QRICH2: variants seen among roughly 807,000 people sequenced by gnomAD.
QRICH2 encodes glutamine rich 2, also known as glutamine-rich protein 2.
QRICH2 carries 119 observed loss-of-function variants against 168.3 expected under a neutral mutation model. The observed-to-expected ratio is 0.71, with a 90% CI of 0.61 to 0.82. The LOEUF (loss-of-function observed/expected upper bound fraction) is 0.82. Among genes scored for constraint, QRICH2 ranks in the 40% least tolerant of loss-of-function variants. QRICH2 has a pLI of 0.00. For missense variants in QRICH2, 2,241 were observed against 2,491.6 expected (o/e 0.90, Z 2.14); for synonymous variants, 894 against 951.2 (o/e 0.94, Z 1.11).
intron 3 of QRICH2, 103 bp downstream of exon 3, chr17:76,304,312 C>T (rs1361763401): frequency 3.2e-5 from 22 of 694,236 alleles, no homozygotes; most frequent in South Asian, 8.4e-5. Context: ...ATGAAACTTG[C>T]GAACTATGAA....
chr17:76,274,983 C>T (rs369562982), intron 18 of QRICH2, among the ~76,000 whole-genome samples: 13 of 152,134 alleles, frequency 8.5e-5, no homozygotes, highest in Non-Finnish European at 5.9e-5. Flanking sequence ...CCATGAGCAC[C>T]GCAGCCACTT....
chr17:76,296,832 C>G, intron 3 of QRICH2, among the ~76,000 whole-genome samples: 1 of 151,576 alleles, frequency 6.6e-6, no homozygotes, highest in East Asian at 1.9e-4. Context: ...AGAAAGCCCA[C>G]TCCCACTCCA....
At position 76,304,488 on chromosome 17, in the gene QRICH2, G is replaced by A. The variant is rs1333255477; in HGVS notation, c.632C>T (p.Ala211Val). The A allele has an allele frequency of 3.1e-6, 5 of 1,613,728 alleles. No individual in the cohort carries two copies. The African/African-American group carries it at 5.3e-5, about 17-fold the overall frequency. ...VSRKLSLVPGAEEVTMVTWEE... is the reference protein window; with the variant it reads ...VSRKLSLVPGVEEVTMVTWEE... ...CCAGGTGACCATGGTGACTTCTTCT[G>A]CACCAGGAACCAAACTCAGCTTCCG... Residue 211 changes from alanine to valine, a missense_variant, in exon 3 of 19, where the codon GCA (alanine) becomes GTA (valine). Ala to Val is a moderately conservative substitution (Grantham distance 64). Coordinates refer to ENST00000680821, the MANE Select transcript of QRICH2 (RefSeq NM_001388453.1).
At chr17:76,287,665 G>T in intron 6 of QRICH2, 135 bp downstream of exon 6, 1 of 703,736 alleles carries the variant, frequency 1.4e-6, no homozygotes, top group South Asian at 1.6e-5. Context: ...CATGGACAAT[G>T]TGAAGAGCAG....
intron 17 of QRICH2, 29 bp downstream of exon 17, chr17:76,276,651 G>A (rs1444783611): frequency 1.3e-6 from 2 of 1,582,636 alleles, no homozygotes; most frequent in Non-Finnish European, 1.7e-6. Flanking sequence ...CCCACGTGAG[G>A]TGCCTGGGGG....
At chr17:76,287,373 T>C in intron 6 of QRICH2, 67 bp from the exon 7 acceptor site, 1 of 1,147,570 alleles carries the variant, frequency 8.7e-7, no homozygotes, top group East Asian at 2.4e-5. Flanking sequence ...GCCTGGGCCA[T>C]CAGGGACGCA....
intron 15 of QRICH2, 137 bp from the exon 16 acceptor site, chr17:76,277,447 G>C: frequency 9.6e-7 from 1 of 1,046,194 alleles, no homozygotes; most frequent in South Asian, 1.5e-5. Flanking sequence ...AGCAGCAGGG[G>C]CCCAGAACAG....
chr17:76,277,366 G>A, intron 15 of QRICH2, 56 bp from the exon 16 acceptor site: 2 of 1,580,392 alleles, frequency 1.3e-6, no homozygotes, highest in Non-Finnish European at 1.7e-6. Flanking sequence ...ATGTCACCTG[G>A]GACTCACCCA....
rs1045787435 is a variant in QRICH2, at chr17:76,278,941, C to T, written c.4916+100G>A. The T allele has an allele frequency of 3.2e-5, 31 of 957,514 alleles. No individual in the cohort carries two copies. The African/African-American group carries it at 3.4e-4, about 11-fold the overall frequency. 59.3% of individuals were successfully genotyped at this position (957,514 alleles called of 1,614,324 possible). On this transcript the variant is annotated intron_variant, in intron 14 of 18. Transcript: ENST00000680821. Reference sequence around the variant, plus strand: ...TGTCCCACAGCACTGCCTTCTGTCACGTTCCGCTGGGCCCTCCGGAGTCAT... The same window carrying T: ...TGTCCCACAGCACTGCCTTCTGTCATGTTCCGCTGGGCCCTCCGGAGTCAT...
upstream of QRICH2, chr17:76,308,456 C>T: frequency 1.0e-6 from 1 of 985,394 alleles, no homozygotes; most frequent in Non-Finnish European, 1.2e-6. Context: ...CCTAGAAAGG[C>T]CAGGATTCAC....
At chr17:76,286,051 T>C (rs2070878863) in intron 7 of QRICH2, among the ~76,000 whole-genome samples, 1 of 152,000 alleles carries the variant, frequency 6.6e-6, no homozygotes, top group South Asian at 2.1e-4. Context: ...GGCAGGTGCC[T>C]GTAGTCCCAG....
At chr17:76,285,177 A>G (rs1332709793) in intron 7 of QRICH2, among the ~76,000 whole-genome samples, 1 of 142,952 alleles carries the variant, frequency 7.0e-6, no homozygotes, top group Non-Finnish European at 1.5e-5. Context: ...TTTTCACCCA[A>G]CCTGGAGTGC....
rs550435872 is a variant in QRICH2, at chr17:76,280,782, G to A, written c.4386+49C>T. ...AAGAGCCAGCAGCTGCGGGGCTAGG[G>A]CACCACATTGAGCCCCGGCCCCATC... On this transcript the variant is annotated intron_variant, in intron 9 of 18. Transcript: ENST00000680821. The surrounding 1 kb of genome is among the most constrained non-coding windows in gnomAD (Gnocchi z 7.4). 1 of 1,613,962 alleles carries A rather than the reference G, an allele frequency of 6.2e-7. No individual in the cohort carries two copies. The highest frequency in any genetic ancestry group is 2.2e-5 in the East Asian group (1 of 44,884).
In QRICH2 at chr17:76,302,780, G is replaced by A. The variant is rs147348558; in HGVS notation, c.705+1635C>T. 4.6e-3 allele frequency among the ~76,000 whole-genome samples: 704 copies of A among 152,142 alleles called. 8 individuals carry two copies. The highest frequency in any genetic ancestry group is 0.017 in the African/African-American group (685 of 41,498). ...TGTGTGGTTTTAAGCCACACAGATCGGTCTCTGGTCATTTGTTGGAACAGC... is the reference window on the plus strand; with the variant it reads ...TGTGTGGTTTTAAGCCACACAGATCAGTCTCTGGTCATTTGTTGGAACAGC... On this transcript the variant is annotated intron_variant, in intron 3 of 18. Coordinates refer to ENST00000680821, the MANE Select transcript of QRICH2 (RefSeq NM_001388453.1).
At position 76,280,202 on chromosome 17, in the gene QRICH2, G is replaced by A; in HGVS notation, c.4627-48C>T. 6.2e-7 allele frequency: 1 copy of A among 1,607,930 alleles called. No individual in the cohort carries two copies. The highest frequency in any genetic ancestry group is 8.5e-7 in the Non-Finnish European group (1 of 1,176,136). On this transcript the variant is annotated intron_variant, in intron 11 of 18. Transcript: ENST00000680821. This position sits in a 1 kb window ranked among gnomAD's most constrained non-coding sequence, Gnocchi z 7.4. ...AGGGGACCTCTAAGGAAGCAGGTAGGGGGCTGACCCAGGAGAAGGTGGTGC... is the reference window on the plus strand; with the variant it reads ...AGGGGACCTCTAAGGAAGCAGGTAGAGGGCTGACCCAGGAGAAGGTGGTGC...
intron 3 of QRICH2, among the ~76,000 whole-genome samples, chr17:76,300,081 C>T (rs895897670): frequency 7.9e-5 from 12 of 152,046 alleles, no homozygotes; most frequent in African/African-American, 7.2e-5. Flanking sequence ...CTGCCTGCCT[C>T]GGCCTCCCAA....
chr17:76,291,498 G>A lies in QRICH2; in HGVS notation c.3229C>T (p.His1077Tyr). ...GLGSTHPDQQ[H>Y]VASPGPGEHD... ...TCACCTGGGCCAGGTGATGCCACAT[G>A]CTGTTGATCTGGGTGTGTAGATCCC... Residue 1077 changes from histidine to tyrosine, a missense_variant, in exon 4 of 19, where the codon CAT becomes TAT. Coordinates refer to ENST00000680821, the MANE Select transcript of QRICH2 (RefSeq NM_001388453.1). The A allele has an allele frequency of 6.2e-7, 1 of 1,614,028 alleles. No individual in the cohort carries two copies.
intron 3 of QRICH2, among the ~76,000 whole-genome samples, chr17:76,302,686 A>C (rs954756440): frequency 1.3e-5 from 2 of 152,080 alleles, no homozygotes; most frequent in African/African-American, 4.8e-5. Flanking sequence ...AGCCCTGCCA[A>C]CACCTTGACT....
intron 1 of QRICH2, among the ~76,000 whole-genome samples, chr17:76,306,210 C>CA (rs917419798): frequency 6.9e-5 from 7 of 102,130 alleles, no homozygotes; most frequent in South Asian, 7.1e-4. Flanking sequence ...AAAATTAAAA[C>CA]AAAAAAAACC....
Sources: allele counts gnomAD v4.1 joint callset (sites outside exome capture counted in the v4.1 genomes callset), GRCh38; gene constraint gnomAD v4.1.1; non-coding constraint Gnocchi (gnomAD v3.1); transcripts MANE v1.5; gene names NCBI Gene and HGNC (gene_info 2026-07-23, HGNC 2026-07-21).